The following VTI1B variants were observed in gnomAD, a reference collection of about 807,000 sequenced individuals.
The protein encoded by VTI1B is vesicle transport through interaction with t-SNAREs 1B.
In VTI1B, 18 loss-of-function variants were observed where a neutral mutation model predicts 28.6. The ratio of observed to expected loss-of-function variants is 0.63; its 90% CI spans 0.43 to 0.93. The LOEUF is 0.93. VTI1B is among the 40% of genes least tolerant of loss of function. VTI1B has a pLI of 0.00. For missense variants in VTI1B, 283 were observed against 297.0 expected (o/e 0.95, Z 0.35); for synonymous variants, 100 against 107.9 (o/e 0.93, Z 0.46).
At chr14:67,670,773 G>T (rs978379887) in intron 1 of VTI1B, among the ~76,000 whole-genome samples, 1 of 152,110 alleles carries the variant, frequency 6.6e-6, no homozygotes, top group Non-Finnish European at 1.5e-5. Flanking sequence ...TGATCCGCCC[G>T]CCTAGGCCTC....
At position 67,656,429 on chromosome 14, in the gene VTI1B, C is replaced by T. The variant is rs45548534; in HGVS notation, c.527G>A (p.Arg176His). The change falls in exon 4 of 6, where the codon CGT becomes CAT. Residue 176 changes from arginine (R) to histidine (H), a missense_variant. Arg to His is a conservative substitution (Grantham distance 29). Transcript: ENST00000554659. ...GCCCAGACTTACTCTACTCTTGGTACGTTCTAACTGGTCTCGTTGTTCCCC... is the reference window on the plus strand; with the variant it reads ...GCCCAGACTTACTCTACTCTTGGTATGTTCTAACTGGTCTCGTTGTTCCCC... ...ELGEQRDQLE[R>H]TKSRLVNTSE... is the part of the protein sequence containing the mutation. 5.1e-3 allele frequency: 8,148 copies of T among 1,610,328 alleles called. 30 individuals are homozygous for T. Among genetic ancestry groups the T allele is most frequent in the Non-Finnish European group, 6.1e-3 (7,196 of 1,177,934 alleles).
chr14:67,666,692 T>C (rs905495202), intron 1 of VTI1B, among the ~76,000 whole-genome samples: 1 of 152,170 alleles, frequency 6.6e-6, no homozygotes, highest in Non-Finnish European at 1.5e-5. Context: ...CTAGTCTAAC[T>C]TCCTGCCTTT....
At chr14:67,653,857 C>G (rs1415750853) in intron 4 of VTI1B, among the ~76,000 whole-genome samples, 1 of 152,222 alleles carries the variant, frequency 6.6e-6, no homozygotes, top group African/African-American at 2.4e-5. Context: ...CAGCCAAATT[C>G]CAGGACAGCC....
Position 67,651,464 on chromosome 14 carries a change from A to G in VTI1B, c.620T>C (p.Leu207Pro). The change falls in exon 6 of 6, where the codon CTG (leucine) becomes CCG (proline). Residue 207 changes from leucine (L) to proline (P), a missense_variant. Leu to Pro is a moderately conservative substitution (Grantham distance 98). Coordinates refer to ENST00000554659, the MANE Select transcript of VTI1B (RefSeq NM_006370.3). ...CAGTAAGATGATAATGGAAAGCAGC[A>G]GCTTGTTGGTTGTCACTCTACAAAG... ...SMSRKVTTNK[L>P]LLSIIILLEL... 6.2e-7 allele frequency: 1 copy of G among 1,613,908 alleles called. No homozygotes were observed. Among genetic ancestry groups the G allele is most frequent in the Non-Finnish European group, 8.5e-7 (1 of 1,179,804 alleles).
rs1317599530 is a variant in VTI1B at position 67,660,130 on chromosome 14, C to CA, written c.175-209_175-208insT. On this transcript the variant is annotated intron_variant, in intron 2 of 5. Coordinates refer to ENST00000554659, the MANE Select transcript of VTI1B (RefSeq NM_006370.3). ...GCCCAGCAAGCACAGAGCAGGCATT[C>CA]GAGTATATGAACTGAATGAATGAAT... 57 of 510,604 alleles carry CA rather than the reference C, an allele frequency of 1.1e-4. 1 individual carries two copies. Among genetic ancestry groups the CA allele is most frequent in the African/African-American group, 1.0e-3 (54 of 51,542 alleles). 31.6% of individuals were successfully genotyped at this position (510,604 alleles called of 1,614,324 possible).
In VTI1B at chr14:67,653,417, A is replaced by G. The variant is rs1413975757; in HGVS notation, c.602+20T>C. On this transcript the variant is annotated intron_variant, in intron 5 of 5. Coordinates refer to ENST00000554659, the MANE Select transcript of VTI1B (RefSeq NM_006370.3). ...AAGCCACTGAGTTAAGAGAAATTTC[A>G]TGACTTTAATAAAACTTACTTTCTG... is the stretch of plus-strand genomic sequence containing the variant. 1 of 1,610,938 alleles carries G rather than the reference A, an allele frequency of 6.2e-7. No homozygotes were observed. Among genetic ancestry groups the G allele is most frequent in the Admixed American group, 1.7e-5 (1 of 59,782 alleles).
chr14:67,659,734 A>G lies in VTI1B; in HGVS notation c.363T>C (p.His121=). The G allele has an allele frequency of 6.3e-7, 1 of 1,595,100 alleles. No homozygotes were observed. The highest frequency in any genetic ancestry group is 8.5e-7 in the Non-Finnish European group (1 of 1,172,606). ...AAACAAAACAGCTAAAACTTACCAT[A>G]TGCTCATTCTCTACAGCATATATGC... is the stretch of plus-strand genomic sequence containing the variant. ...KYGIYAVENE[H]MNRLQSQRAM... is the part of the protein sequence containing the mutation. The change falls in exon 3 of 6, where the codon CAT becomes CAC. Residue 121 remains histidine, a synonymous_variant. Transcript: ENST00000554659.
At chr14:67,658,194 T>C (rs949149839) in intron 3 of VTI1B, among the ~76,000 whole-genome samples, 6 of 149,860 alleles carry the variant, frequency 4.0e-5, no homozygotes, top group Non-Finnish European at 7.4e-5. Flanking sequence ...TTCAACTGAG[T>C]AGGCTAAAAA....
chr14:67,665,011 G>A (rs1237932738), intron 1 of VTI1B, among the ~76,000 whole-genome samples: 1 of 152,134 alleles, frequency 6.6e-6, no homozygotes, highest in Non-Finnish European at 1.5e-5. Context: ...GGTTACAGGA[G>A]TGCACCACCA....
chr14:67,663,346 G>A (rs2037362500), intron 1 of VTI1B, among the ~76,000 whole-genome samples: 2 of 152,076 alleles, frequency 1.3e-5, no homozygotes, highest in Admixed American at 1.3e-4. Context: ...TTAAATAAAT[G>A]TATTTTACAT....
At chr14:67,661,614 G>A (rs2037336127) in intron 2 of VTI1B, among the ~76,000 whole-genome samples, 1 of 142,078 alleles carries the variant, frequency 7.0e-6, no homozygotes, top group Non-Finnish European at 1.5e-5. Context: ...CTAACCACAT[G>A]CTTGACCTCC....
intron 1 of VTI1B, among the ~76,000 whole-genome samples, chr14:67,667,121 T>G (rs760920384): frequency 6.6e-6 from 1 of 152,076 alleles, no homozygotes; most frequent in African/African-American, 2.4e-5. Context: ...TTTGGGAAAC[T>G]GGGTGGATGC....
intron 2 of VTI1B, among the ~76,000 whole-genome samples, chr14:67,661,234 T>C (rs1178483508): frequency 3.8e-5 from 5 of 131,242 alleles, no homozygotes; most frequent in African/African-American, 1.5e-4. Flanking sequence ...AGCTAGAGTA[T>C]GATGAGATGG....
intron 1 of VTI1B, among the ~76,000 whole-genome samples, chr14:67,667,664 G>A (rs1389125893): frequency 1.3e-5 from 2 of 152,174 alleles, no homozygotes; most frequent in African/African-American, 4.8e-5. Flanking sequence ...GGAGTTAGAG[G>A]CCAGGCGCGG....
chr14:67,659,975 T>G, intron 2 of VTI1B, 53 bp from the exon 3 acceptor site: 2 of 1,551,240 alleles, frequency 1.3e-6, no homozygotes, highest in Non-Finnish European at 1.8e-6. Context: ...CTCACTCATT[T>G]GGAAATATGC....
At chr14:67,659,691 T>A (rs748826886) in intron 3 of VTI1B, 40 bp downstream of exon 3, 2 of 1,558,082 alleles carry the variant, frequency 1.3e-6, no homozygotes, top group Admixed American at 2.0e-5. Context: ...CCACAGGCCC[T>A]TAAAGGAAAA....
At chr14:67,662,085 G>A (rs1035647031) in intron 2 of VTI1B, among the ~76,000 whole-genome samples, 1 of 152,040 alleles carries the variant, frequency 6.6e-6, no homozygotes, top group East Asian at 1.9e-4. Flanking sequence ...GAACCCGGGA[G>A]GTGGAGCTTG....
chr14:67,656,782 T>C (rs950339137), intron 3 of VTI1B, among the ~76,000 whole-genome samples, 193 bp from the exon 4 acceptor site: 5 of 152,270 alleles, frequency 3.3e-5, no homozygotes, highest in African/African-American at 4.8e-5. Context: ...ATCCAATCAA[T>C]AGGATCACAA....
intron 1 of VTI1B, among the ~76,000 whole-genome samples, chr14:67,664,761 C>T (rs1221376610): frequency 6.6e-6 from 1 of 152,138 alleles, no homozygotes; most frequent in Non-Finnish European, 1.5e-5. Flanking sequence ...AGCCTTTCCG[C>T]TGCAAAAGAG....
Sources: allele counts gnomAD v4.1 joint callset (sites outside exome capture counted in the v4.1 genomes callset), GRCh38; gene constraint gnomAD v4.1.1; transcripts MANE v1.5; gene names NCBI Gene and HGNC (gene_info 2026-07-23, HGNC 2026-07-21).